Variants in ROBO2 observed in about 807,000 individuals in gnomAD.
ROBO2 encodes roundabout guidance receptor 2.
A neutral mutation model predicts 160.8 loss-of-function variants in ROBO2; 53 were observed. That is an observed-to-expected ratio of 0.33 (90% confidence interval 0.26 to 0.41). The LOEUF (loss-of-function observed/expected upper bound fraction) is 0.41, where lower values mean the gene tolerates loss of function less well. ROBO2 is among the 10% of genes least tolerant of loss of function. The pLI, the probability that ROBO2 is intolerant of heterozygous loss-of-function variation, is 1.00. For synonymous variants in ROBO2, 664 were observed against 611.7 expected, an observed-to-expected ratio of 1.09 and a Z score of -1.26; for missense variants, 1,577 against 1,722.4, an observed-to-expected ratio of 0.92 and a Z score of 1.49.
intron 2 of ROBO2, among the ~76,000 whole-genome samples, chr3:76,378,830 T>G (rs2108534589): frequency 6.6e-6 from 1 of 152,302 alleles, no homozygotes; most frequent in African/African-American, 2.4e-5. Context: ...GTCATGAAAT[T>G]GCTTGACACG....
chr3:76,935,229 A>G (rs192653009), intron 2 of ROBO2, among the ~76,000 whole-genome samples: 1 of 152,284 alleles, frequency 6.6e-6, no homozygotes, highest in East Asian at 1.9e-4. Flanking sequence ...CTGGGATTAA[A>G]GACATGAGCC....
intron 2 of ROBO2, among the ~76,000 whole-genome samples, chr3:76,319,164 A>G (rs2072296508): frequency 6.6e-6 from 1 of 152,148 alleles, no homozygotes; most frequent in Non-Finnish European, 1.5e-5. Flanking sequence ...CCTGAGGATC[A>G]CCTTTGTCCA....
In ROBO2 at chr3:76,193,676, G is replaced by T. The variant is rs1380988940; in HGVS notation, c.109+256074G>T. 2.0e-5 allele frequency among the ~76,000 whole-genome samples: 3 copies of T among 152,178 alleles called. No homozygotes were observed. In the South Asian group the frequency reaches 6.2e-4, roughly 31 times the overall value. ...GAAACTTACTCTTAATGAATGTAAA[G>T]ATCAGACATTTGTCAGTGAGACATA... On this transcript the variant is annotated intron_variant, in intron 2 of 26. Coordinates refer to the ROBO2 transcript ENST00000487694.
At chr3:77,252,807 C>CAAAAAAAAAAAAAAAA (rs1182786373) in intron 2 of ROBO2, among the ~76,000 whole-genome samples, 4 of 32,054 alleles carry the variant, frequency 1.2e-4, no homozygotes, top group African/African-American at 5.7e-4. Flanking sequence ...GACTCCATCT[C>CAAAAAAAAAAAAAAAA]AAAAAAAAAA....
At chr3:76,380,211 A>G (rs2076549249) in intron 2 of ROBO2, among the ~76,000 whole-genome samples, 1 of 152,118 alleles carries the variant, frequency 6.6e-6, no homozygotes, top group South Asian at 2.1e-4. Context: ...AATACATTTA[A>G]TGTATTTTAA....
intron 2 of ROBO2, among the ~76,000 whole-genome samples, chr3:76,525,851 T>G (rs1217252108): frequency 6.6e-6 from 1 of 152,006 alleles, no homozygotes. Context: ...TGCTATTTAT[T>G]ATGCTCATAA....
At chr3:76,453,831 G>C (rs925437381) in intron 2 of ROBO2, among the ~76,000 whole-genome samples, 11 of 152,042 alleles carry the variant, frequency 7.2e-5, no homozygotes, top group Admixed American at 2.6e-4. Context: ...TTTGGTACTT[G>C]GTAGGAAATA....
At chr3:77,045,981 C>T (rs2064624000) in intron 1 of ROBO2, among the ~76,000 whole-genome samples, 1 of 152,204 alleles carries the variant, frequency 6.6e-6, no homozygotes. Context: ...AACAATATTC[C>T]TTATCATCTA....
rs187336135 is a variant in ROBO2 at position 76,932,131 on chromosome 3, A to G, written c.110-165883A>G. Among the ~76,000 whole-genome samples, 58 of 152,310 alleles carry G rather than the reference A, an allele frequency of 3.8e-4. No individual in the cohort carries two copies. The East Asian group carries it at 0.011, about 28-fold the overall frequency. On this transcript the variant is annotated intron_variant, in intron 2 of 26. Coordinates refer to the ROBO2 transcript ENST00000487694. Reference sequence around the variant, plus strand: ...CTTCCAAACATAGACTACCAAAAAAAATGGCATATAAAAAATAAGAATTCT... The same window carrying G: ...CTTCCAAACATAGACTACCAAAAAAGATGGCATATAAAAAATAAGAATTCT...
chr3:76,120,424 C>T lies in ROBO2; in HGVS notation c.109+182822C>T, dbSNP rs531339586. Among the ~76,000 whole-genome samples, 5 of 152,256 alleles carry T rather than the reference C, an allele frequency of 3.3e-5. No homozygotes were observed. The South Asian group carries it at 8.3e-4, about 25-fold the overall frequency. ...CTTACTTACTCTACCATATAATCTGCTTATCCTGATATTAGGCACATGACT... is the reference window on the plus strand; with the variant it reads ...CTTACTTACTCTACCATATAATCTGTTTATCCTGATATTAGGCACATGACT... On this transcript the variant is annotated intron_variant, in intron 2 of 26. Transcript: ENST00000487694.
chr3:76,748,501 A>C (rs1009647926), intron 2 of ROBO2, among the ~76,000 whole-genome samples: 3 of 151,718 alleles, frequency 2.0e-5, no homozygotes, highest in Non-Finnish European at 4.4e-5. Context: ...TACCTGATGT[A>C]TAAAAAGTTT....
chr3:76,855,401 C>T (rs747513320), intron 2 of ROBO2, among the ~76,000 whole-genome samples: 45 of 152,112 alleles, frequency 3.0e-4, no homozygotes, highest in Admixed American at 7.2e-4. Flanking sequence ...GATGTCTGTC[C>T]TCCATAAGCT....
At chr3:77,617,112 C>T (rs987206650) in intron 21 of ROBO2, among the ~76,000 whole-genome samples, 44 of 121,392 alleles carry the variant, frequency 3.6e-4, no homozygotes, top group African/African-American at 1.5e-3. Context: ...GATAATCAAT[C>T]AGCGATATTG....
rs2065806880 is a variant in ROBO2 at position 75,999,005 on chromosome 3, C to A, written c.109+61403C>A. Among the ~76,000 whole-genome samples, 3 of 152,272 alleles carry A rather than the reference C, an allele frequency of 2.0e-5. No individual in the cohort carries two copies. In the South Asian group the frequency reaches 6.2e-4, roughly 32 times the overall value. On this transcript the variant is annotated intron_variant, in intron 2 of 26. Transcript: ENST00000487694. ...TGATTGTTAATATGTCCTCAAGTAT[C>A]ATATATGCACCACGTTCCTTGGAGG...
At chr3:77,477,476 A>T (rs2084153042) in exon 3 of ROBO2, 1 of 1,613,914 alleles carries the variant, frequency 6.2e-7, no homozygotes, top group East Asian at 2.2e-5. Context: ...AGAGCCTGCA[A>T]TCCTGGAGTG....
chr3:76,797,587 A>AC (rs2063801164), intron 2 of ROBO2, among the ~76,000 whole-genome samples: 2 of 151,944 alleles, frequency 1.3e-5, no homozygotes, highest in African/African-American at 4.8e-5. Context: ...AGATCAGATT[A>AC]GAAAAAAGAA....
intron 2 of ROBO2, among the ~76,000 whole-genome samples, chr3:77,474,155 G>A (rs956364955): frequency 6.6e-6 from 1 of 152,128 alleles, no homozygotes; most frequent in African/African-American, 2.4e-5. Context: ...CTTGTGAGCC[G>A]AAAAGACTTA....
Position 76,620,472 on chromosome 3 carries a change from G to C in ROBO2, c.110-477542G>C, listed in dbSNP as rs141569529. Among the ~76,000 whole-genome samples, 1,459 of 152,222 alleles carry C rather than the reference G, an allele frequency of 9.6e-3. 23 individuals carry two copies. The highest frequency in any genetic ancestry group is 0.029 in the African/African-American group (1,205 of 41,552). ...AACTTTCATCTAAACCGCATTCTAG[G>C]AGTTAGTAGTTGCTGTATTTTACAT... On this transcript the variant is annotated intron_variant, in intron 2 of 26. Coordinates refer to the ROBO2 transcript ENST00000487694.
At chr3:76,289,439 T>G (rs2107697521) in intron 2 of ROBO2, among the ~76,000 whole-genome samples, 1 of 152,262 alleles carries the variant, frequency 6.6e-6, no homozygotes, top group South Asian at 2.1e-4. Context: ...TTCTGTAGGT[T>G]GTTTTTTTTA....
Sources: allele counts gnomAD v4.1 joint callset (sites outside exome capture counted in the v4.1 genomes callset), GRCh38; gene constraint gnomAD v4.1.1; transcripts MANE v1.5; gene names NCBI Gene and HGNC (gene_info 2026-07-23, HGNC 2026-07-21).